The following CNTN5 variants were observed in gnomAD, a reference collection of about 807,000 sequenced individuals.
The protein encoded by CNTN5 is contactin 5.
Under a neutral mutation model 129.1 loss-of-function variants are expected in CNTN5, and 77 were observed. The observed-to-expected ratio is 0.60, with a 90% CI of 0.50 to 0.72. The LOEUF (loss-of-function observed/expected upper bound fraction) is 0.72, where lower values mean the gene tolerates loss of function less well. Ranked by LOEUF, CNTN5 falls within the 30% of genes least tolerant of loss-of-function variation. The probability of loss-of-function intolerance (pLI) is 0.00; values close to 1 mark genes in which losing one functional copy is unlikely to be tolerated. For missense variants in CNTN5, 1,478 were observed against 1,328.8 expected (o/e 1.11, Z -1.75); for synonymous variants, 509 against 465.6 (o/e 1.09, Z -1.20).
At chr11:100,028,108 G>C (rs1422880701) in intron 9 of CNTN5, among the ~76,000 whole-genome samples, 1 of 152,050 alleles carries the variant, frequency 6.6e-6, no homozygotes, top group Non-Finnish European at 1.5e-5. Context: ...GTAATAGAGT[G>C]ATTCTTTGAC....
chr11:99,873,084 T>C (rs1948544035), intron 6 of CNTN5, among the ~76,000 whole-genome samples: 1 of 19,986 alleles, frequency 5.0e-5, no homozygotes, highest in Non-Finnish European at 8.9e-5. Flanking sequence ...ACAAACACTT[T>C]TGTAACTGCC....
chr11:99,516,136 T>TA (rs35072410), intron 2 of CNTN5, among the ~76,000 whole-genome samples: 104,507 of 151,268 alleles, frequency 0.69, 36,154 homozygotes, highest in Middle Eastern at 0.73. Context: ...TGCTAATTGT[T>TA]AAAAAAAATG....
chr11:99,140,190 T>G, intron 1 of CNTN5, among the ~76,000 whole-genome samples: 1 of 152,186 alleles, frequency 6.6e-6, no homozygotes, highest in Non-Finnish European at 1.5e-5. Context: ...TAAAACATTA[T>G]TTTTAGTGTA....
At chr11:99,457,403 G>T (rs955341451) in intron 2 of CNTN5, among the ~76,000 whole-genome samples, 1 of 151,830 alleles carries the variant, frequency 6.6e-6, no homozygotes, top group African/African-American at 2.4e-5. Context: ...GGAGGAAGCT[G>T]TTGTTTTAGC....
At chr11:100,346,232 T>A (rs143738097) in intron 23 of CNTN5, among the ~76,000 whole-genome samples, 85 of 152,282 alleles carry the variant, frequency 5.6e-4, no homozygotes, top group African/African-American at 2.0e-3. Flanking sequence ...GGTCTCTATC[T>A]AGAATCCTTA....
intron 7 of CNTN5, among the ~76,000 whole-genome samples, chr11:99,931,419 C>A (rs1324581493): frequency 1.3e-5 from 2 of 152,110 alleles, no homozygotes; most frequent in Non-Finnish European, 2.9e-5. Context: ...TAGAACACTG[C>A]AATAACCTTG....
At chr11:99,450,352 T>C (rs1360422004) in intron 2 of CNTN5, among the ~76,000 whole-genome samples, 1 of 151,886 alleles carries the variant, frequency 6.6e-6, no homozygotes, top group East Asian at 1.9e-4. Flanking sequence ...TATGTATGTA[T>C]ATTGTATAGA....
chr11:99,156,996 T>G (rs570064864), intron 1 of CNTN5, among the ~76,000 whole-genome samples: 1 of 152,222 alleles, frequency 6.6e-6, no homozygotes, highest in Non-Finnish European at 1.5e-5. Flanking sequence ...TATTCTTCAC[T>G]ACTTTTATTT....
At chr11:99,830,804 T>A (rs10893956) in intron 4 of CNTN5, among the ~76,000 whole-genome samples, 23,403 of 152,104 alleles carry the variant, frequency 0.15, 1,945 homozygotes, top group Non-Finnish European at 0.18. Flanking sequence ...TTTAAGTATA[T>A]GTGGTGTGAG....
chr11:100,285,799 G>C (rs565213998), intron 18 of CNTN5, among the ~76,000 whole-genome samples: 24 of 152,226 alleles, frequency 1.6e-4, no homozygotes, highest in Non-Finnish European at 2.8e-4. Flanking sequence ...CTCCCAGCGT[G>C]AGCGACGCAG....
chr11:100,082,455 T>G (rs1944401879), intron 13 of CNTN5, among the ~76,000 whole-genome samples: 1 of 152,016 alleles, frequency 6.6e-6, no homozygotes, highest in African/African-American at 2.4e-5. Context: ...GCCTGGAAAA[T>G]TTTTTTAATT....
At chr11:99,268,520 T>C (rs930466992) in intron 1 of CNTN5, among the ~76,000 whole-genome samples, 3 of 151,886 alleles carry the variant, frequency 2.0e-5, no homozygotes, top group African/African-American at 7.2e-5. Context: ...AGTCCCTACA[T>C]TGTTTATCAT....
At chr11:99,504,041 C>T (rs1361225477) in intron 2 of CNTN5, among the ~76,000 whole-genome samples, 1 of 152,062 alleles carries the variant, frequency 6.6e-6, no homozygotes, top group Non-Finnish European at 1.5e-5. Flanking sequence ...GCTTGGCTTA[C>T]AAGATTTTTC....
chr11:99,598,285 T>TGTCACTC (rs1565335398), intron 3 of CNTN5, among the ~76,000 whole-genome samples: 1 of 6,578 alleles, frequency 1.5e-4, no homozygotes. Flanking sequence ...TTTTCTTTTC[T>TGTCACTC]TTTCTTTTCT....
intron 7 of CNTN5, among the ~76,000 whole-genome samples, chr11:99,940,000 T>C (rs1054485560): frequency 1.3e-5 from 2 of 152,198 alleles, no homozygotes; most frequent in African/African-American, 4.8e-5. Flanking sequence ...ACTTCTGGAT[T>C]AGTTCTCAAC....
At chr11:99,567,012 T>C (rs562637484) in intron 3 of CNTN5, among the ~76,000 whole-genome samples, 20 of 152,318 alleles carry the variant, frequency 1.3e-4, no homozygotes, top group Middle Eastern at 3.4e-3. Context: ...TATCTTTTCC[T>C]TGACTAAATT....
chr11:100,099,192 C>T (rs765184463), intron 13 of CNTN5, among the ~76,000 whole-genome samples: 1 of 152,050 alleles, frequency 6.6e-6, no homozygotes, highest in Non-Finnish European at 1.5e-5. Flanking sequence ...CCAGAGATGT[C>T]GAGCAACTGG....
chr11:99,971,569 C>CA (rs1363237237), intron 8 of CNTN5, among the ~76,000 whole-genome samples: 5 of 151,158 alleles, frequency 3.3e-5, no homozygotes, highest in Admixed American at 6.6e-5. Context: ...AACAAACAAA[C>CA]AAAAAACTCT....
rs189879021 is a variant in CNTN5 at position 99,996,203 on chromosome 11, C to T, written c.878-5831C>T. Among the ~76,000 whole-genome samples the T allele has an allele frequency of 1.2e-3, 179 of 152,180 alleles. 2 individuals carry two copies. Among genetic ancestry groups the T allele is most frequent in the African/African-American group, 4.1e-3 (170 of 41,544 alleles). On this transcript the variant is annotated intron_variant, in intron 8 of 24. Coordinates refer to ENST00000524871, the MANE Select transcript of CNTN5 (RefSeq NM_014361.4). ...CCAATTCAGTTATTAATTGGTTTTT[C>T]CCATCTAGTGCCTTTTGTCTGTTTT... is the stretch of plus-strand genomic sequence containing the variant.
Sources: gnomAD v4.1 joint callset for allele counts (sites outside exome capture counted in the v4.1 genomes callset) on GRCh38, gnomAD v4.1.1 for gene constraint, MANE v1.5 for transcripts, NCBI Gene and HGNC (gene_info 2026-07-23, HGNC 2026-07-21) for gene names.